SH2B1: variants seen among roughly 807,000 people sequenced by gnomAD.
SH2B1 encodes SH2B adapter protein 1.
SH2B1 carries 15 observed loss-of-function variants against 62.6 expected under a neutral mutation model. That is an observed-to-expected ratio of 0.24 (90% confidence interval 0.16 to 0.37). SH2B1 has a LOEUF of 0.37. Ranked by LOEUF, SH2B1 falls within the 10% of genes least tolerant of loss-of-function variation. The pLI is 1.00. For synonymous variants in SH2B1, 443 were observed against 438.0 expected (o/e 1.01, Z -0.14); for missense variants, 925 against 1,015.6 (o/e 0.91, Z 1.21).
upstream of SH2B1, among the ~76,000 whole-genome samples, chr16:28,860,807 T>C (rs1348395145): frequency 4.4e-5 from 3 of 68,612 alleles, no homozygotes; most frequent in African/African-American, 6.3e-5. Flanking sequence ...CAGTTAGGAC[T>C]CCAGATTTGT....
chr16:28,863,887 A>C lies in SH2B1; in HGVS notation c.-2208A>C. 8 of 1,492,228 alleles carry C rather than the reference A, an allele frequency of 5.4e-6. No individual in the cohort carries two copies. The highest frequency in any genetic ancestry group is 7.1e-6 in the Non-Finnish European group (8 of 1,127,264). The allele number at this position is 1,492,228 out of a possible 1,614,324, so 92.4% of individuals were successfully genotyped here. On this transcript the variant is annotated 5_prime_UTR_variant, in exon 1 of 8. Transcript: ENST00000684370. The stretch of plus-strand genomic sequence containing the variant: ...TCGCGTAGTGGGTGGGGGCGCAGGG[A>C]GCGGGAGCCGCCGCCGCCGCCGCCG...
Position 28,866,367 on chromosome 16 carries a change from C to G in SH2B1, c.273C>G (p.Ile91Met). ...CCTCTGGCTCCCTGTCGCCACCCATCCTGGCTCCCCTGAGCCCTGGTGCGG... is the reference window on the plus strand; with the variant it reads ...CCTCTGGCTCCCTGTCGCCACCCATGCTGGCTCCCCTGAGCCCTGGTGCGG... ...ARASGSLSPP[I>M]LAPLSPGAEI... The change falls in exon 1 of 8, where the codon ATC becomes ATG. Residue 91 changes from isoleucine (I) to methionine (M), a missense_variant. This residue lies in a region of SH2B1 where 683 missense variants were observed against 704.0 expected (regional missense o/e 0.97). Transcript: ENST00000684370. This position sits in a 1 kb window ranked among gnomAD's most constrained non-coding sequence, Gnocchi z 6.3. The G allele has an allele frequency of 1.2e-6, 2 of 1,613,414 alleles. No homozygotes were observed. Among genetic ancestry groups the G allele is most frequent in the Middle Eastern group, 3.3e-4 (2 of 6,062 alleles).
At chr16:28,870,994 CGTGT>C (rs35079060) in intron 4 of SH2B1, among the ~76,000 whole-genome samples, 10,618 of 141,368 alleles carry the variant, frequency 0.075, 1,131 homozygotes, top group African/African-American at 0.25. Context: ...GCCAGAATTC[CGTGT>C]GTGTGTGTGT....
intron 1 of SH2B1, among the ~76,000 whole-genome samples, chr16:28,849,207 T>C (rs536007034): frequency 1.3e-5 from 2 of 152,276 alleles, no homozygotes; most frequent in Admixed American, 6.5e-5. Context: ...AAGCTCAATC[T>C]ACCTCAGCCT....
At position 28,873,889 on chromosome 16, in the gene SH2B1, C is replaced by G; in HGVS notation, c.*69C>G. The G allele has an allele frequency of 7.5e-7, 1 of 1,336,978 alleles. No homozygotes were observed. The highest frequency in any genetic ancestry group is 9.6e-7 in the Non-Finnish European group (1 of 1,043,768). The allele number at this position is 1,336,978 out of a possible 1,614,324, so 82.8% of individuals were successfully genotyped here. The stretch of plus-strand genomic sequence containing the variant: ...CTCGTGAGATTGGGCTGGGTAGGGA[C>G]AGAGGAGGCCGAAATCCCTCCCCCA... On this transcript the variant is annotated 3_prime_UTR_variant, in exon 8 of 8. Transcript: ENST00000684370. This position sits in a 1 kb window ranked among gnomAD's most constrained non-coding sequence, Gnocchi z 4.2.
intron 1 of SH2B1, among the ~76,000 whole-genome samples, chr16:28,852,190 T>TA (rs1962113904): frequency 7.6e-6 from 1 of 131,588 alleles, no homozygotes; most frequent in African/African-American, 3.1e-5. Context: ...ATATATATAT[T>TA]TTTATTTATA....
chr16:28,850,401 T>G (rs751646370), intron 1 of SH2B1, among the ~76,000 whole-genome samples: 1 of 152,076 alleles, frequency 6.6e-6, no homozygotes, highest in Non-Finnish European at 1.5e-5. Context: ...TCTACAAACA[T>G]AAAAATAAAA....
intron 4 of SH2B1, 135 bp from the exon 5 acceptor site, chr16:28,871,645 C>T: frequency 4.2e-6 from 3 of 707,434 alleles, no homozygotes; most frequent in Non-Finnish European, 7.6e-6. Flanking sequence ...CATCAGGGGT[C>T]ACTACCCACA....
At chr16:28,852,692 TTATATATA>T (rs1196188850) in intron 1 of SH2B1, among the ~76,000 whole-genome samples, 2 of 75,822 alleles carry the variant, frequency 2.6e-5, no homozygotes, top group Non-Finnish European at 2.3e-5. Context: ...ACATATATAT[TTATATATA>T]TACATATATA....
rs765899885 is a variant in SH2B1, at chr16:28,869,059, G to A, written c.1095G>A (p.Lys365=). The change falls in exon 3 of 8, where the codon AAG becomes AAA. Residue 365 remains lysine (K), a synonymous_variant. Transcript: ENST00000684370. ...IMETVDAQHV[K]AWVSDIQECL... is the part of the protein sequence containing the mutation. ...AGACAGTGGATGCCCAGCATGTGAA[G>A]GCCTGGGTGTCTGACATCCAAGAAT... 29 of 1,614,040 alleles carry A rather than the reference G, an allele frequency of 1.8e-5. No individual in the cohort carries two copies. In the Admixed American group the frequency reaches 3.2e-4, roughly 18 times the overall value.
upstream of SH2B1, chr16:28,863,411 T>A (rs1301875833): frequency 9.7e-6 from 4 of 411,182 alleles, no homozygotes; most frequent in Non-Finnish European, 1.8e-5. Flanking sequence ...CTCGCTCAGC[T>A]CCTTGGTGGC....
intron 2 of SH2B1, among the ~76,000 whole-genome samples, chr16:28,868,375 C>T (rs551408525): frequency 8.4e-4 from 123 of 147,158 alleles, no homozygotes; most frequent in Non-Finnish European, 1.3e-3. Flanking sequence ...CTCCTGACCT[C>T]GTGATTTGCC....
At chr16:28,859,178 G>A (rs1022603639), upstream of SH2B1, among the ~76,000 whole-genome samples, 5 of 151,936 alleles carry the variant, frequency 3.3e-5, no homozygotes, top group Admixed American at 2.6e-4. Context: ...TCCCAGCCTC[G>A]GGTGATTCGC....
intron 1 of SH2B1, among the ~76,000 whole-genome samples, chr16:28,851,760 G>A (rs1040436977): frequency 1.3e-5 from 2 of 149,782 alleles, no homozygotes; most frequent in Non-Finnish European, 3.0e-5. Flanking sequence ...ACCGCGCCTG[G>A]CCTTTTTTAA....
intron 1 of SH2B1, among the ~76,000 whole-genome samples, chr16:28,855,935 T>G (rs1351662197): frequency 1.4e-5 from 2 of 147,800 alleles, no homozygotes; most frequent in African/African-American, 2.5e-5. Context: ...CCTCCCAAAG[T>G]GCTGGGATTA....
chr16:28,870,360 A>C (rs1428841357), intron 4 of SH2B1, among the ~76,000 whole-genome samples: 2 of 152,160 alleles, frequency 1.3e-5, no homozygotes, highest in Non-Finnish European at 1.5e-5. Flanking sequence ...GGAGCTCAGG[A>C]GGAAGAGAGC....
chr16:28,866,720 T>G lies in SH2B1; in HGVS notation c.626T>G (p.Val209Gly). The G allele has an allele frequency of 6.3e-7, 1 of 1,586,130 alleles. No homozygotes were observed. The highest frequency in any genetic ancestry group is 8.6e-7 in the Non-Finnish European group (1 of 1,165,982). ...AACTCCTCTGGCGGGGCTGGGACCG[T>G]TGGTAGGGGACTGGTCAGTGATGGA... Reference protein sequence around the residue: ...NSNSSGGAGTVGRGLVSDGTS... With the variant: ...NSNSSGGAGTGGRGLVSDGTS... Residue 209 changes from valine (V) to glycine (G), a missense_variant, in exon 1 of 8, where the codon GTT (valine) becomes GGT (glycine). By Grantham distance (109) the Val-to-Gly change is moderately radical (BLOSUM62 -3). This residue lies in a region of SH2B1 where 683 missense variants were observed against 704.0 expected (regional missense o/e 0.97). Coordinates refer to ENST00000684370, the MANE Select transcript of SH2B1 (RefSeq NM_001387430.1). The surrounding 1 kb of genome is among the most constrained non-coding windows in gnomAD (Gnocchi z 6.3).
In SH2B1 at chr16:28,872,878, T is replaced by G. The variant is rs1358333011; in HGVS notation, c.1897+173T>G. 159 of 791,500 alleles carry G rather than the reference T, an allele frequency of 2.0e-4. No individual in the cohort carries two copies. Among genetic ancestry groups the G allele is most frequent in the Non-Finnish European group, 3.0e-4 (146 of 482,266 alleles). The allele number at this position is 791,500 out of a possible 1,614,324, so 49.0% of individuals were successfully genotyped here. On this transcript the variant is annotated intron_variant, in intron 7 of 7. Transcript: ENST00000684370. This position sits in a 1 kb window ranked among gnomAD's most constrained non-coding sequence, Gnocchi z 5.3. ...GGGTTTGGAAGGGAAAGAAATGCGCTGATAGGACACAGGAAGGCAGAAGGC... is the reference window on the plus strand; with the variant it reads ...GGGTTTGGAAGGGAAAGAAATGCGCGGATAGGACACAGGAAGGCAGAAGGC...
intron 1 of SH2B1, among the ~76,000 whole-genome samples, chr16:28,857,795 A>G (rs1372843476): frequency 6.7e-6 from 1 of 149,706 alleles, no homozygotes; most frequent in Non-Finnish European, 1.5e-5. Context: ...GCTGGAGTGC[A>G]GTGGCGCAAT....
Sources: gnomAD v4.1 joint callset for allele counts (sites outside exome capture counted in the v4.1 genomes callset) on GRCh38, gnomAD v4.1.1 for gene constraint, gnomAD v4.1.1 regional missense constraint, Gnocchi (gnomAD v3.1) non-coding constraint, MANE v1.5 for transcripts, NCBI Gene and HGNC (gene_info 2026-07-23, HGNC 2026-07-21) for gene names.